CHRM3: variants seen among roughly 807,000 people sequenced by gnomAD.
CHRM3 encodes muscarinic acetylcholine receptor M3.
CHRM3 carries 11 observed loss-of-function variants against 41.8 expected under a neutral mutation model. The observed-to-expected ratio is 0.26, with a 90% CI of 0.17 to 0.44. The LOEUF is 0.44. CHRM3 is among the 20% of genes least tolerant of loss of function. CHRM3 has a pLI of 1.00. For missense variants in CHRM3, 571 were observed against 745.4 expected (o/e 0.77, Z 2.72); for synonymous variants, 297 against 301.4 (o/e 0.99, Z 0.15).
At chr1:239,903,589 A>G (rs1679744425) in intron 6 of CHRM3, among the ~76,000 whole-genome samples, 2 of 152,208 alleles carry the variant, frequency 1.3e-5, no homozygotes, top group South Asian at 2.1e-4. Flanking sequence ...AGGCAAGGTC[A>G]AGGAGGTGGT....
At chr1:239,646,559 A>C (rs1671755946) in intron 4 of CHRM3, among the ~76,000 whole-genome samples, 1 of 152,198 alleles carries the variant, frequency 6.6e-6, no homozygotes, top group Non-Finnish European at 1.5e-5. Context: ...TCAGGGACAT[A>C]GAGATACCCT....
At chr1:239,680,831 C>T (rs1658490123) in intron 5 of CHRM3, among the ~76,000 whole-genome samples, 2 of 148,222 alleles carry the variant, frequency 1.3e-5, no homozygotes, top group South Asian at 4.3e-4. Flanking sequence ...GCGGAGGAGA[C>T]TTTTTTTTTT....
At chr1:239,872,808 G>C (rs1436451625) in intron 6 of CHRM3, among the ~76,000 whole-genome samples, 1 of 152,108 alleles carries the variant, frequency 6.6e-6, no homozygotes, top group Non-Finnish European at 1.5e-5. Flanking sequence ...TAGATGTCAT[G>C]AACAGACCTC....
intron 3 of CHRM3, among the ~76,000 whole-genome samples, chr1:239,558,481 G>A (rs780150495): frequency 6.6e-6 from 1 of 152,144 alleles, no homozygotes; most frequent in South Asian, 2.1e-4. Context: ...CATATCCAGC[G>A]ACACTCTTGT....
chr1:239,806,071 G>A (rs1670617855), intron 5 of CHRM3, among the ~76,000 whole-genome samples: 1 of 152,142 alleles, frequency 6.6e-6, no homozygotes, highest in Non-Finnish European at 1.5e-5. Context: ...CTTTGGCATA[G>A]GTCCACTTCA....
intron 5 of CHRM3, among the ~76,000 whole-genome samples, chr1:239,800,951 G>A (rs1670167009): frequency 6.6e-6 from 1 of 151,982 alleles, no homozygotes; most frequent in South Asian, 2.1e-4. Context: ...TACACTTCCA[G>A]CTGGCCTCCA....
intron 4 of CHRM3, among the ~76,000 whole-genome samples, chr1:239,662,850 TTCCTTC>T (rs1354867680): frequency 1.8e-5 from 2 of 112,138 alleles, no homozygotes; most frequent in Admixed American, 9.0e-5. Flanking sequence ...CTTCTTCCTC[TTCCTTC>T]TCCTTCTCCT....
rs140762827 is a variant in CHRM3 at position 239,868,716 on chromosome 1, C to T, written c.-19-38717C>T. Among the ~76,000 whole-genome samples the T allele has an allele frequency of 1.4e-4, 22 of 152,222 alleles. 1 individual carries two copies. The East Asian group carries it at 2.5e-3, about 17-fold the overall frequency. ...CCCACTACATTCAGCCATAAATCAGCGAAAGGACCCTGATCCTTCAGTCCA... is the reference window on the plus strand; with the variant it reads ...CCCACTACATTCAGCCATAAATCAGTGAAAGGACCCTGATCCTTCAGTCCA... On this transcript the variant is annotated intron_variant, in intron 6 of 6. Coordinates refer to ENST00000676153, the MANE Select transcript of CHRM3 (RefSeq NM_001375978.1).
intron 6 of CHRM3, among the ~76,000 whole-genome samples, chr1:239,880,127 C>T (rs144499421): frequency 8.5e-4 from 129 of 152,302 alleles, no homozygotes; most frequent in Middle Eastern, 3.4e-3. Flanking sequence ...GATAAAAGAA[C>T]AAGGCAATCC....
chr1:239,847,710 A>G (rs1013543403), intron 6 of CHRM3, among the ~76,000 whole-genome samples: 10 of 152,028 alleles, frequency 6.6e-5, no homozygotes, highest in African/African-American at 2.2e-4. Flanking sequence ...ACACACACAC[A>G]TACATATACA....
At chr1:239,695,425 A>C (rs6429153) in intron 5 of CHRM3, among the ~76,000 whole-genome samples, 68,993 of 152,012 alleles carry the variant, frequency 0.45, 16,023 homozygotes, top group Middle Eastern at 0.53. Context: ...ATTTAGGAAA[A>C]TTTAGCTTAC....
chr1:239,846,883 T>C (rs781195976), intron 6 of CHRM3, among the ~76,000 whole-genome samples: 1 of 152,210 alleles, frequency 6.6e-6, no homozygotes, highest in Non-Finnish European at 1.5e-5. Flanking sequence ...TCTTGTAAGA[T>C]GAGTACTCTA....
chr1:239,507,008 T>C (rs1048215547), intron 2 of CHRM3, among the ~76,000 whole-genome samples: 4 of 152,218 alleles, frequency 2.6e-5, no homozygotes, highest in Admixed American at 6.5e-5. Flanking sequence ...CCAATGCCTG[T>C]GTCCCCATTG....
At chr1:239,833,213 C>T (rs1294463033) in intron 6 of CHRM3, among the ~76,000 whole-genome samples, 3 of 152,156 alleles carry the variant, frequency 2.0e-5, no homozygotes, top group Non-Finnish European at 4.4e-5. Flanking sequence ...TGACTTGGTC[C>T]CTCCCTTTAG....
intron 1 of CHRM3, among the ~76,000 whole-genome samples, chr1:239,437,515 A>G (rs1416877496): frequency 6.6e-6 from 1 of 152,150 alleles, no homozygotes; most frequent in Non-Finnish European, 1.5e-5. Context: ...TTGTGGTGAC[A>G]TGGAAAGCCT....
chr1:239,862,432 A>G (rs1328963150), intron 6 of CHRM3, among the ~76,000 whole-genome samples: 1 of 152,242 alleles, frequency 6.6e-6, no homozygotes, highest in African/African-American at 2.4e-5. Flanking sequence ...CAGTGCAGTC[A>G]AAACTACACC....
chr1:239,507,778 G>A (rs1387454511), intron 2 of CHRM3, among the ~76,000 whole-genome samples: 2 of 152,186 alleles, frequency 1.3e-5, no homozygotes, highest in Non-Finnish European at 1.5e-5. Context: ...AAAAGAATAG[G>A]CTGTTGAGTT....
At chr1:239,648,205 T>G (rs1037401359) in intron 4 of CHRM3, among the ~76,000 whole-genome samples, 34 of 152,170 alleles carry the variant, frequency 2.2e-4, no homozygotes, top group African/African-American at 7.7e-4. Context: ...TCTCTTCCTG[T>G]TGTTAATCAT....
chr1:239,764,212 G>C (rs932800185), intron 5 of CHRM3, among the ~76,000 whole-genome samples: 1 of 152,012 alleles, frequency 6.6e-6, no homozygotes, highest in African/African-American at 2.4e-5. Flanking sequence ...CATTAATGTG[G>C]TTATCTTATG....
Sources: gnomAD v4.1 joint callset for allele counts (sites outside exome capture counted in the v4.1 genomes callset) on GRCh38, gnomAD v4.1.1 for gene constraint, MANE v1.5 for transcripts, NCBI Gene and HGNC (gene_info 2026-07-23, HGNC 2026-07-21) for gene names.